Variants in CDKAL1 observed in about 807,000 individuals in gnomAD.
The protein encoded by CDKAL1 is CDKAL1 threonylcarbamoyladenosine tRNA methylthiotransferase.
CDKAL1 carries 32 observed loss-of-function variants against 68.2 expected under a neutral mutation model. The observed-to-expected ratio is 0.47, with a 90% CI of 0.35 to 0.63. CDKAL1 has a LOEUF of 0.63. CDKAL1 is among the 30% of genes least tolerant of loss of function. CDKAL1 has a pLI of 0.00. For missense variants in CDKAL1, 606 were observed against 696.7 expected (o/e 0.87, Z 1.47); for synonymous variants, 234 against 244.3 (o/e 0.96, Z 0.39).
At position 21,045,302 on chromosome 6, in the gene CDKAL1, C is replaced by A. The variant is rs570940367; in HGVS notation, c.1056-19746C>A. 7.2e-5 allele frequency among the ~76,000 whole-genome samples: 11 copies of A among 152,290 alleles called. No homozygotes were observed. The South Asian group carries it at 2.1e-3, about 29-fold the overall frequency. On this transcript the variant is annotated intron_variant, in intron 11 of 15. Coordinates refer to ENST00000274695, the MANE Select transcript of CDKAL1 (RefSeq NM_017774.3). ...GTTCAGGACTTGGTATCAAGCACCG[C>A]TATAGTTATCTAAATAATCCTCAGA...
At chr6:20,892,569 G>A (rs56027426) in intron 9 of CDKAL1, among the ~76,000 whole-genome samples, 35,910 of 151,892 alleles carry the variant, frequency 0.24, 4,438 homozygotes, top group East Asian at 0.34. Flanking sequence ...GAATTATACC[G>A]TATTGTATAT....
At chr6:20,850,903 G>GA (rs941330892) in intron 9 of CDKAL1, among the ~76,000 whole-genome samples, 3 of 151,782 alleles carry the variant, frequency 2.0e-5, no homozygotes, top group Non-Finnish European at 4.4e-5. Context: ...ATTCAGATGT[G>GA]AAAAAATGAG....
chr6:21,150,015 A>G (rs1562072770), intron 13 of CDKAL1, among the ~76,000 whole-genome samples: 2 of 151,522 alleles, frequency 1.3e-5, no homozygotes, highest in Admixed American at 6.6e-5. Context: ...CCACCACCAC[A>G]CCCGGCTAAT....
At chr6:20,553,341 T>G (rs1228978926) in intron 4 of CDKAL1, among the ~76,000 whole-genome samples, 1 of 152,076 alleles carries the variant, frequency 6.6e-6, no homozygotes, top group Non-Finnish European at 1.5e-5. Context: ...AAACCCCGTC[T>G]CTACTAAAAA....
At chr6:20,794,196 T>G (rs1000840173) in intron 8 of CDKAL1, among the ~76,000 whole-genome samples, 15 of 152,154 alleles carry the variant, frequency 9.9e-5, no homozygotes, top group African/African-American at 3.6e-4. Context: ...CCCACACTTT[T>G]GACTTTTATG....
chr6:21,140,877 C>A (rs1052559931), intron 13 of CDKAL1, among the ~76,000 whole-genome samples: 8 of 152,052 alleles, frequency 5.3e-5, no homozygotes, highest in Admixed American at 3.9e-4. Flanking sequence ...GGGAGGCCTC[C>A]GAATCATGGC....
intron 15 of CDKAL1, among the ~76,000 whole-genome samples, chr6:21,221,007 A>G (rs1356688930): frequency 6.6e-6 from 1 of 151,980 alleles, no homozygotes; most frequent in Non-Finnish European, 1.5e-5. Flanking sequence ...TTTCTACTAA[A>G]AATACAAAAA....
chr6:21,152,841 C>T (rs1054560302), intron 13 of CDKAL1, among the ~76,000 whole-genome samples: 1 of 152,206 alleles, frequency 6.6e-6, no homozygotes, highest in African/African-American at 2.4e-5. Flanking sequence ...CAGCCATGTA[C>T]TACGCAGATC....
chr6:20,829,609 A>G (rs946739346), intron 8 of CDKAL1, among the ~76,000 whole-genome samples: 2 of 152,206 alleles, frequency 1.3e-5, no homozygotes, highest in Non-Finnish European at 2.9e-5. Context: ...TGTGTGCAGG[A>G]ATCTTGAAAA....
At chr6:20,907,006 A>G (rs1762257841) in intron 9 of CDKAL1, among the ~76,000 whole-genome samples, 1 of 152,216 alleles carries the variant, frequency 6.6e-6, no homozygotes, top group African/African-American at 2.4e-5. Context: ...TAACACATAC[A>G]TGAGTACTTA....
chr6:20,858,498 A>C (rs9366362), intron 9 of CDKAL1, among the ~76,000 whole-genome samples: 111,070 of 152,026 alleles, frequency 0.73, 43,569 homozygotes, highest in East Asian at 0.9. Context: ...ATTTTTTATC[A>C]ACATGAATGA....
chr6:20,698,760 T>A (rs1399659699), intron 5 of CDKAL1, among the ~76,000 whole-genome samples: 1 of 152,168 alleles, frequency 6.6e-6, no homozygotes, highest in Non-Finnish European at 1.5e-5. Context: ...AAGGTAAAAT[T>A]TAAAGGAGTC....
At chr6:21,107,579 C>T (rs1393676718) in intron 12 of CDKAL1, among the ~76,000 whole-genome samples, 1 of 152,056 alleles carries the variant, frequency 6.6e-6, no homozygotes, top group Non-Finnish European at 1.5e-5. Context: ...AGGTGTCCAC[C>T]ACCACACCCA....
At chr6:20,541,539 T>C (rs1422222978) in intron 2 of CDKAL1, among the ~76,000 whole-genome samples, 1 of 152,242 alleles carries the variant, frequency 6.6e-6, no homozygotes, top group Non-Finnish European at 1.5e-5. Flanking sequence ...GTGATTCTTA[T>C]TGGCTAGGCT....
intron 15 of CDKAL1, among the ~76,000 whole-genome samples, chr6:21,212,501 A>G (rs1290865929): frequency 6.6e-6 from 1 of 152,170 alleles, no homozygotes; most frequent in African/African-American, 2.4e-5. Context: ...GCTTCTAACC[A>G]TAAATTGTAG....
chr6:20,570,453 T>A (rs2127677498), intron 4 of CDKAL1, among the ~76,000 whole-genome samples: 1 of 151,872 alleles, frequency 6.6e-6, no homozygotes, highest in African/African-American at 2.4e-5. Flanking sequence ...TAGGCTGGAG[T>A]GCAGTGGCGT....
At chr6:20,772,759 T>C (rs974834886) in intron 7 of CDKAL1, 26 of 152,220 alleles carry the variant, frequency 1.7e-4, no homozygotes, top group Admixed American at 1.7e-3. Context: ...GAGTAGGTAC[T>C]TTTTTGTACA....
In CDKAL1 at chr6:20,862,662, T is replaced by TGTGCGC. The variant is rs1554132203; in HGVS notation, c.742+16485_742+16486insTGCGCG. 4.9e-3 allele frequency among the ~76,000 whole-genome samples: 652 copies of TGTGCGC among 133,874 alleles called. 20 individuals carry two copies. The highest frequency in any genetic ancestry group is 0.016 in the African/African-American group (608 of 38,394). 87.8% of individuals were successfully genotyped at this position (133,874 alleles called of 152,430 possible). On this transcript the variant is annotated intron_variant, in intron 9 of 15. Transcript: ENST00000274695. ...GTGTGTGTGTGTGTGTGTGTGTGTG[T>TGTGCGC]GCGCGCGTGCATGCGCGCGTGCGCA...
At chr6:21,140,238 T>C (rs1419916860) in intron 13 of CDKAL1, among the ~76,000 whole-genome samples, 1 of 152,250 alleles carries the variant, frequency 6.6e-6, no homozygotes, top group Non-Finnish European at 1.5e-5. Context: ...CTATGTCTTA[T>C]GTCTTTGAAC....
Sources: gnomAD v4.1 joint callset for allele counts (sites outside exome capture counted in the v4.1 genomes callset) on GRCh38, gnomAD v4.1.1 for gene constraint, MANE v1.5 for transcripts, NCBI Gene and HGNC (gene_info 2026-07-23, HGNC 2026-07-21) for gene names.